Variants in ARHGAP31 observed in about 807,000 individuals in gnomAD.
ARHGAP31 encodes the protein rho GTPase-activating protein 31.
ARHGAP31 carries 34 observed loss-of-function variants against 113.9 expected under a neutral mutation model. The ratio of observed to expected loss-of-function variants is 0.30; its 90% CI spans 0.23 to 0.40. The LOEUF (loss-of-function observed/expected upper bound fraction) is 0.40. Ranked by LOEUF, ARHGAP31 falls within the 10% of genes least tolerant of loss-of-function variation. The pLI is 1.00. For synonymous variants in ARHGAP31, 650 were observed against 684.8 expected (o/e 0.95, Z 0.79); for missense variants, 1,548 against 1,767.1 (o/e 0.88, Z 2.22).
intron 9 of ARHGAP31, among the ~76,000 whole-genome samples, chr3:119,399,686 C>G (rs1217598292): frequency 6.6e-6 from 1 of 152,214 alleles, no homozygotes; most frequent in Non-Finnish European, 1.5e-5. Flanking sequence ...TATGCTTTCG[C>G]TTCCTAGTTT....
At chr3:119,298,503 T>A (rs2079552672) in intron 1 of ARHGAP31, among the ~76,000 whole-genome samples, 1 of 152,134 alleles carries the variant, frequency 6.6e-6, no homozygotes, top group Admixed American at 6.5e-5. Context: ...TGGAGATGGT[T>A]GGGGCCAGGA....
At chr3:119,302,369 G>C (rs1649855986) in intron 1 of ARHGAP31, among the ~76,000 whole-genome samples, 1 of 152,206 alleles carries the variant, frequency 6.6e-6, no homozygotes, top group Non-Finnish European at 1.5e-5. Context: ...ATAAGTATTG[G>C]TACTAGATTT....
In ARHGAP31 at chr3:119,415,807, G is replaced by C; in HGVS notation, c.3878G>C (p.Gly1293Ala). Reference sequence around the variant, plus strand: ...GGACCTACCCTTTCTCCAGAACCAGGCTCGTCTAACCTGCTCTCCACCCAG... The same window carrying C: ...GGACCTACCCTTTCTCCAGAACCAGCCTCGTCTAACCTGCTCTCCACCCAG... ...CEGPTLSPEP[G>A]SSNLLSTQDA... The change falls in exon 12 of 12, where the codon GGC becomes GCC. Residue 1293 changes from glycine (G) to alanine (A), a missense_variant. Gly to Ala is a moderately conservative substitution (Grantham distance 60). Transcript: ENST00000264245. The C allele has an allele frequency of 3.7e-6, 6 of 1,614,186 alleles. No homozygotes were observed. Among genetic ancestry groups the C allele is most frequent in the South Asian group, 3.3e-5 (3 of 91,080 alleles).
chr3:119,379,261 C>G (rs192594947), intron 3 of ARHGAP31, among the ~76,000 whole-genome samples: 1 of 152,236 alleles, frequency 6.6e-6, no homozygotes, highest in Non-Finnish European at 1.5e-5. Context: ...TAAATAAGTG[C>G]ATTCTTGTAG....
At chr3:119,383,925 T>C (rs2080425356) in intron 6 of ARHGAP31, among the ~76,000 whole-genome samples, 2 of 152,196 alleles carry the variant, frequency 1.3e-5, no homozygotes, top group African/African-American at 4.8e-5. Flanking sequence ...CGAAATTACC[T>C]GAGGAGTTTG....
chr3:119,409,596 C>A lies in ARHGAP31; in HGVS notation c.1746C>A (p.Ala582=). 1 of 1,614,038 alleles carries A rather than the reference C, an allele frequency of 6.2e-7. No individual in the cohort carries two copies. Among genetic ancestry groups the A allele is most frequent in the East Asian group, 2.2e-5 (1 of 44,876 alleles). ...CSKGLSQEPG[A]HLEEKKTPES... Reference sequence around the variant, plus strand: ...AAGGCCTGTCCCAGGAGCCAGGCGCCCACCTGGAGGAGAAGAAAACCCCAG... The same window carrying A: ...AAGGCCTGTCCCAGGAGCCAGGCGCACACCTGGAGGAGAAGAAAACCCCAG... The change falls in exon 11 of 12, where the codon GCC becomes GCA. Residue 582 remains alanine, a synonymous_variant. Coordinates refer to ENST00000264245, the MANE Select transcript of ARHGAP31 (RefSeq NM_020754.4).
chr3:119,391,870 A>G (rs2080507978), intron 7 of ARHGAP31, among the ~76,000 whole-genome samples: 1 of 152,084 alleles, frequency 6.6e-6, no homozygotes, highest in Non-Finnish European at 1.5e-5. Flanking sequence ...TGTGTGCTGG[A>G]AAATATATGG....
In ARHGAP31 at chr3:119,340,757, T is replaced by A. The variant is rs183451518; in HGVS notation, c.101-24559T>A. Among the ~76,000 whole-genome samples, 916 of 152,294 alleles carry A rather than the reference T, an allele frequency of 6.0e-3. 6 individuals carry two copies. Among genetic ancestry groups the A allele is most frequent in the Non-Finnish European group, 9.5e-3 (648 of 68,030 alleles). ...AAGGCTGCAGTCTCCAGGAAAGATTTAAGTGAGTCTCTTTCCGGAGTGATT... is the reference window on the plus strand; with the variant it reads ...AAGGCTGCAGTCTCCAGGAAAGATTAAAGTGAGTCTCTTTCCGGAGTGATT... On this transcript the variant is annotated intron_variant, in intron 1 of 11. Transcript: ENST00000264245.
At position 119,318,383 on chromosome 3, in the gene ARHGAP31, TAAG is replaced by T. The variant is rs529540892; in HGVS notation, c.100+23382_100+23384del. Among the ~76,000 whole-genome samples the T allele has an allele frequency of 4.6e-5, 7 of 152,340 alleles. No individual in the cohort carries two copies. The South Asian group carries it at 1.4e-3, about 32-fold the overall frequency. On this transcript the variant is annotated intron_variant, in intron 1 of 11. Coordinates refer to ENST00000264245, the MANE Select transcript of ARHGAP31 (RefSeq NM_020754.4). ...TCCATTTGAACTCTTGAAGGTATAA[TAAG>T]AATATTTCAAAGACGGCATTATTGA...
At chr3:119,312,432 C>T (rs570549504) in intron 1 of ARHGAP31, among the ~76,000 whole-genome samples, 1 of 152,206 alleles carries the variant, frequency 6.6e-6, no homozygotes, top group South Asian at 2.1e-4. Context: ...TCACCCGCCT[C>T]CTGGTCACGC....
At chr3:119,324,702 G>C (rs940432492) in intron 1 of ARHGAP31, among the ~76,000 whole-genome samples, 2 of 152,220 alleles carry the variant, frequency 1.3e-5, no homozygotes, top group Non-Finnish European at 2.9e-5. Flanking sequence ...GATAGACGTG[G>C]AAAAACAAAG....
chr3:119,345,783 G>T (rs965290697), intron 1 of ARHGAP31, among the ~76,000 whole-genome samples: 1 of 152,188 alleles, frequency 6.6e-6, no homozygotes, highest in East Asian at 1.9e-4. Context: ...CTTCCCAGGT[G>T]CTTGAGGCAG....
intron 8 of ARHGAP31, among the ~76,000 whole-genome samples, chr3:119,393,955 G>C (rs79503099): frequency 0.018 from 2,761 of 152,246 alleles, 78 homozygotes; most frequent in African/African-American, 0.062. Context: ...AGGATCTCAC[G>C]CTACATTTGG....
At chr3:119,307,940 C>CAAAAAAAACAAAAAAAAAA in intron 1 of ARHGAP31, among the ~76,000 whole-genome samples, 1 of 45,452 alleles carries the variant, frequency 2.2e-5, no homozygotes, top group Non-Finnish European at 3.7e-5. Context: ...GAATTAACAG[C>CAAAAAAAACAAAAAAAAAA]AAAAAAAAAA....
At chr3:119,405,447 A>C (rs542631511) in intron 10 of ARHGAP31, among the ~76,000 whole-genome samples, 1 of 152,324 alleles carries the variant, frequency 6.6e-6, no homozygotes, top group South Asian at 2.1e-4. Context: ...CCACAGTCAC[A>C]TTCCCACCCA....
chr3:119,338,824 T>C (rs367703601), intron 1 of ARHGAP31, among the ~76,000 whole-genome samples: 1 of 152,212 alleles, frequency 6.6e-6, no homozygotes, highest in African/African-American at 2.4e-5. Flanking sequence ...AAAAATCACC[T>C]GTTCCAGATG....
At chr3:119,359,123 T>A (rs1352302341) in intron 1 of ARHGAP31, among the ~76,000 whole-genome samples, 3 of 152,080 alleles carry the variant, frequency 2.0e-5, no homozygotes, top group African/African-American at 4.8e-5. Flanking sequence ...GTTCAAGCGA[T>A]TCTCCTGCCT....
intron 2 of ARHGAP31, among the ~76,000 whole-genome samples, chr3:119,366,860 G>A (rs1050973937): frequency 6.6e-6 from 1 of 152,076 alleles, no homozygotes; most frequent in Non-Finnish European, 1.5e-5. Context: ...CCAGCACTCT[G>A]GGAGGCCGAG....
intron 9 of ARHGAP31, among the ~76,000 whole-genome samples, chr3:119,400,174 G>A (rs1698506435): frequency 1.3e-5 from 2 of 152,180 alleles, no homozygotes; most frequent in African/African-American, 4.8e-5. Context: ...GCTCATGCCT[G>A]TAATCCCAGC....
Sources: gnomAD v4.1 joint callset for allele counts (sites outside exome capture counted in the v4.1 genomes callset) on GRCh38, gnomAD v4.1.1 for gene constraint, MANE v1.5 for transcripts, NCBI Gene and HGNC (gene_info 2026-07-23, HGNC 2026-07-21) for gene names.